The following ADCK1 variants were observed in gnomAD, a reference collection of about 807,000 sequenced individuals.
The protein encoded by ADCK1 is aarF domain containing kinase 1.
A neutral mutation model predicts 52.3 loss-of-function variants in ADCK1; 41 were observed. That is an observed-to-expected ratio of 0.78 (90% CI 0.61 to 1.02). The LOEUF (loss-of-function observed/expected upper bound fraction) is 1.02, where lower values mean the gene tolerates loss of function less well. ADCK1 is among the 50% of genes least tolerant of loss of function. The pLI is 0.00. For synonymous variants in ADCK1, 250 were observed against 274.6 expected, an observed-to-expected ratio of 0.91 and a Z score of 0.89; for missense variants, 658 against 679.5, an observed-to-expected ratio of 0.97 and a Z score of 0.35.
chr14:77,852,190 G>C (rs1242889308), intron 3 of ADCK1, among the ~76,000 whole-genome samples: 2 of 151,874 alleles, frequency 1.3e-5, no homozygotes, highest in African/African-American at 4.8e-5. Context: ...GTAGAGGCGG[G>C]GTGTCACCTT....
At chr14:77,822,561 A>T (rs747465570) in intron 3 of ADCK1, 43 bp downstream of exon 3, 4 of 1,513,288 alleles carry the variant, frequency 2.6e-6, no homozygotes, top group Non-Finnish European at 3.7e-6. Context: ...CCAGGACTGG[A>T]TAACCCTTGA....
intron 2 of ADCK1, among the ~76,000 whole-genome samples, chr14:77,819,470 G>A (rs1421624857): frequency 6.6e-6 from 1 of 152,154 alleles, no homozygotes; most frequent in Non-Finnish European, 1.5e-5. Flanking sequence ...AAATGCATGT[G>A]CAAGGAGGAC....
intron 5 of ADCK1, among the ~76,000 whole-genome samples, chr14:77,897,232 A>G (rs529966764): frequency 2.6e-5 from 4 of 152,324 alleles, no homozygotes; most frequent in East Asian, 1.9e-4. Flanking sequence ...TACTGGGTCA[A>G]TCAGTCAATG....
intron 6 of ADCK1, among the ~76,000 whole-genome samples, chr14:77,905,043 C>T (rs1159367327): frequency 1.3e-5 from 2 of 152,158 alleles, no homozygotes; most frequent in Non-Finnish European, 2.9e-5. Flanking sequence ...GCAGTCATTT[C>T]CATGTTATGT....
At chr14:77,859,374 C>T in intron 4 of ADCK1, 95 bp downstream of exon 4, 1 of 1,284,336 alleles carries the variant, frequency 7.8e-7, no homozygotes, top group Non-Finnish European at 1.1e-6. Flanking sequence ...TGCTGGGGAT[C>T]CACCAGTGAC....
At chr14:77,827,388 G>A (rs1052554837) in intron 3 of ADCK1, among the ~76,000 whole-genome samples, 1 of 148,812 alleles carries the variant, frequency 6.7e-6, no homozygotes, top group South Asian at 2.1e-4. Flanking sequence ...CATAATTTGA[G>A]TCCCTAGATC....
Position 77,894,736 on chromosome 14 carries a change from G to GTTTTTTTTTTTTT in ADCK1, c.583-4348_583-4336dup. ...TTATTTCTTTTTCTTTTCTTTTCTT[G>GTTTTTTTTTTTTT]TTTTTTTTTTTTTTTTTTTTTTTTT... On this transcript the variant is annotated intron_variant, in intron 5 of 10. Transcript: ENST00000238561. Among the ~76,000 whole-genome samples, 126 of 36,464 alleles carry GTTTTTTTTTTTTT rather than the reference G, an allele frequency of 3.5e-3. 22 individuals are homozygous for GTTTTTTTTTTTTT. Among genetic ancestry groups the GTTTTTTTTTTTTT allele is most frequent in the Non-Finnish European group, 4.3e-3 (73 of 16,920 alleles). 23.9% of individuals were successfully genotyped at this position (36,464 alleles called of 152,430 possible).
At chr14:77,897,929 G>A (rs950455222) in intron 5 of ADCK1, among the ~76,000 whole-genome samples, 1 of 152,074 alleles carries the variant, frequency 6.6e-6, no homozygotes, top group Non-Finnish European at 1.5e-5. Context: ...ATTCTAGCTC[G>A]GTACTTCCTT....
rs571527704 is a variant in ADCK1, at chr14:77,903,243, G to A, written c.741+3985G>A. ...TTAAGGCTCTTGAGTAATTAATTTT[G>A]CCTAAACACATAACAAGGGGGAAGT... On this transcript the variant is annotated intron_variant, in intron 6 of 10. Transcript: ENST00000238561. Among the ~76,000 whole-genome samples, 21 of 152,324 alleles carry A rather than the reference G, an allele frequency of 1.4e-4. No homozygotes were observed. In the East Asian group the frequency reaches 2.1e-3, roughly 15 times the overall value.
At chr14:77,825,204 T>C (rs2081667458) in intron 3 of ADCK1, among the ~76,000 whole-genome samples, 1 of 152,194 alleles carries the variant, frequency 6.6e-6, no homozygotes, top group African/African-American at 2.4e-5. Context: ...GATTGAGTCT[T>C]TGATTTTTCG....
chr14:77,924,683 C>A, intron 8 of ADCK1, 77 bp downstream of exon 8: 3 of 1,567,470 alleles, frequency 1.9e-6, no homozygotes, highest in Admixed American at 1.7e-5. Context: ...AGCTGCAGAA[C>A]CGGGAGGGAG....
chr14:77,814,988 G>A (rs1281251406), intron 1 of ADCK1, among the ~76,000 whole-genome samples: 1 of 150,520 alleles, frequency 6.6e-6, no homozygotes, highest in Non-Finnish European at 1.5e-5. Context: ...CTGGGTTCAA[G>A]CAATTCTCTT....
chr14:77,878,703 G>T lies in ADCK1; in HGVS notation c.424-8388G>T, dbSNP rs544316582. 8.5e-5 allele frequency among the ~76,000 whole-genome samples: 13 copies of T among 152,318 alleles called. No individual in the cohort carries two copies. The East Asian group carries it at 2.3e-3, about 27-fold the overall frequency. ...TGGCTTCATACTGTACTGTGTCCAG[G>T]ACCTCTGGTCTCTTTTACCCTAGAG... is the stretch of plus-strand genomic sequence containing the variant. On this transcript the variant is annotated intron_variant, in intron 4 of 10. Coordinates refer to ENST00000238561, the MANE Select transcript of ADCK1 (RefSeq NM_020421.4).
At chr14:77,910,402 G>T (rs1370354709) in intron 7 of ADCK1, among the ~76,000 whole-genome samples, 1 of 152,076 alleles carries the variant, frequency 6.6e-6, no homozygotes, top group East Asian at 1.9e-4. Context: ...CTTCTAGGGT[G>T]GTACATGGGA....
At chr14:77,894,300 C>CGTTCAT (rs1229036883) in intron 5 of ADCK1, among the ~76,000 whole-genome samples, 1 of 152,128 alleles carries the variant, frequency 6.6e-6, no homozygotes, top group Non-Finnish European at 1.5e-5. Context: ...CCTTGTTGAA[C>CGTTCAT]GTTCATTTTT....
At chr14:77,831,640 A>G (rs2081852017) in intron 3 of ADCK1, among the ~76,000 whole-genome samples, 1 of 152,166 alleles carries the variant, frequency 6.6e-6, no homozygotes, top group African/African-American at 2.4e-5. Flanking sequence ...GCTGAAGTGC[A>G]GTGGTGTGAT....
At position 77,899,131 on chromosome 14, in the gene ADCK1, C is replaced by A. The variant is rs377627204; in HGVS notation, c.614C>A (p.Pro205Gln). 12 of 1,613,948 alleles carry A rather than the reference C, an allele frequency of 7.4e-6. No individual in the cohort carries two copies. In the African/African-American group the frequency reaches 1.5e-4, roughly 20 times the overall value. ...VLVLAVKQLF[P>Q]EFEFMWLVDE... ...GTTCTGGCTGTGAAGCAGCTGTTCC[C>A]AGAGTTTGAGTTTATGTGGCTTGTG... Residue 205 changes from proline to glutamine, a missense_variant, in exon 6 of 11, where the codon CCA (proline) becomes CAA (glutamine). Coordinates refer to ENST00000238561, the MANE Select transcript of ADCK1 (RefSeq NM_020421.4).
chr14:77,857,345 G>A (rs1490066617), intron 3 of ADCK1, among the ~76,000 whole-genome samples: 1 of 152,094 alleles, frequency 6.6e-6, no homozygotes, highest in East Asian at 1.9e-4. Flanking sequence ...GGGGTACATG[G>A]GAAATTGTTA....
At position 77,933,407 on chromosome 14, in the gene ADCK1, C is replaced by T; in HGVS notation, c.*16C>T. On this transcript the variant is annotated 3_prime_UTR_variant, in exon 11 of 11. Coordinates refer to ENST00000238561, the MANE Select transcript of ADCK1 (RefSeq NM_020421.4). ...TCCACTCTGAGTGGAATTGCTCTCCCTGCCCCATTCTGGTGTCTTTCCACT... is the reference window on the plus strand; with the variant it reads ...TCCACTCTGAGTGGAATTGCTCTCCTTGCCCCATTCTGGTGTCTTTCCACT... 1.9e-6 allele frequency: 3 copies of T among 1,611,498 alleles called. No individual in the cohort carries two copies. Among genetic ancestry groups the T allele is most frequent in the Non-Finnish European group, 2.5e-6 (3 of 1,178,172 alleles).
Sources: allele counts gnomAD v4.1 joint callset (sites outside exome capture counted in the v4.1 genomes callset), GRCh38; gene constraint gnomAD v4.1.1; transcripts MANE v1.5; gene names NCBI Gene and HGNC (gene_info 2026-07-23, HGNC 2026-07-21).